The following CACNB4 variants were observed in gnomAD, a reference collection of about 807,000 sequenced individuals.
CACNB4 encodes voltage-dependent L-type calcium channel subunit beta-4.
A neutral mutation model predicts 71.2 loss-of-function variants in CACNB4; 32 were observed. The observed-to-expected ratio is 0.45, with a 90% CI of 0.34 to 0.60. The LOEUF is 0.60. Ranked by LOEUF, CACNB4 falls within the 20% of genes least tolerant of loss-of-function variation. The pLI, the probability that CACNB4 is intolerant of heterozygous loss-of-function variation, is 0.01. For missense variants in CACNB4, 464 were observed against 647.9 expected, an observed-to-expected ratio of 0.72 and a Z score of 3.08; for synonymous variants, 231 against 236.9, an observed-to-expected ratio of 0.97 and a Z score of 0.23.
At chr2:151,879,256 G>A (rs557424701) in intron 4 of CACNB4, among the ~76,000 whole-genome samples, 30 of 152,302 alleles carry the variant, frequency 2.0e-4, no homozygotes, top group Middle Eastern at 3.4e-3. Flanking sequence ...TGCTGAAATG[G>A]TTAATTCAAC....
intron 2 of CACNB4, among the ~76,000 whole-genome samples, chr2:152,010,928 C>T (rs1049526875): frequency 3.3e-5 from 5 of 152,172 alleles, no homozygotes; most frequent in African/African-American, 7.2e-5. Flanking sequence ...AGGGAGAAAA[C>T]GTGGCCCAGA....
At chr2:151,967,573 G>A (rs747628839) in intron 2 of CACNB4, 6 of 152,152 alleles carry the variant, frequency 3.9e-5, no homozygotes, top group Non-Finnish European at 7.4e-5. Flanking sequence ...GAGTAATAAC[G>A]TAGAAGGTCA....
intron 2 of CACNB4, among the ~76,000 whole-genome samples, chr2:152,003,516 T>G (rs779750458): frequency 5.9e-5 from 9 of 151,978 alleles, no homozygotes; most frequent in Non-Finnish European, 1.3e-4. Flanking sequence ...CAGCTCTTGA[T>G]GCGCTTATTA....
chr2:151,943,460 A>G (rs1383499338), intron 2 of CACNB4, among the ~76,000 whole-genome samples: 1 of 152,224 alleles, frequency 6.6e-6, no homozygotes, highest in Admixed American at 6.5e-5. Context: ...TCTTCTGGCT[A>G]AAATGTTGGC....
chr2:151,925,285 A>G (rs1276139465), intron 2 of CACNB4, among the ~76,000 whole-genome samples: 1 of 152,252 alleles, frequency 6.6e-6, no homozygotes, highest in Non-Finnish European at 1.5e-5. Flanking sequence ...CACATTTTGT[A>G]TTATTTGGTA....
At chr2:152,031,859 GA>G (rs1579166310) in intron 2 of CACNB4, among the ~76,000 whole-genome samples, 2 of 152,128 alleles carry the variant, frequency 1.3e-5, no homozygotes, top group African/African-American at 4.8e-5. Flanking sequence ...TCCATTACTA[GA>G]AAACTGCCCT....
chr2:151,955,440 A>G (rs752886651), intron 2 of CACNB4, among the ~76,000 whole-genome samples: 2 of 152,204 alleles, frequency 1.3e-5, no homozygotes, highest in Non-Finnish European at 2.9e-5. Flanking sequence ...TGCCCTCTAG[A>G]GTCCTATGTT....
intron 2 of CACNB4, among the ~76,000 whole-genome samples, chr2:151,933,955 G>T (rs1023599324): frequency 2.0e-5 from 3 of 152,220 alleles, no homozygotes; most frequent in Non-Finnish European, 4.4e-5. Context: ...AGAATCAGAA[G>T]CCTGAGGAGG....
rs115697230 is a variant in CACNB4 at position 152,016,063 on chromosome 2, T to C, written c.147+82267A>G. ...GAATTCTGTAACAGGTTTTCTCTCC[T>C]ATTACCAATTGCTATAGTATTAGAA... is the stretch of plus-strand genomic sequence containing the variant. On this transcript the variant is annotated intron_variant, in intron 2 of 13. Coordinates refer to ENST00000539935, the MANE Select transcript of CACNB4 (RefSeq NM_000726.5). 3.2e-3 allele frequency among the ~76,000 whole-genome samples: 480 copies of C among 152,360 alleles called. 4 individuals are homozygous for C. The highest frequency in any genetic ancestry group is 0.011 in the African/African-American group (446 of 41,580).
intron 2 of CACNB4, among the ~76,000 whole-genome samples, chr2:152,080,138 T>G (rs1687276318): frequency 6.6e-6 from 1 of 152,158 alleles, no homozygotes; most frequent in Non-Finnish European, 1.5e-5. Flanking sequence ...TTTTTTTTTT[T>G]TGAGGCGGAG....
rs114594752 is a variant in CACNB4, at chr2:151,906,251, T to G, written c.148-22881A>C. Among the ~76,000 whole-genome samples, 576 of 152,324 alleles carry G rather than the reference T, an allele frequency of 3.8e-3. 4 individuals carry two copies. The highest frequency in any genetic ancestry group is 0.013 in the African/African-American group (527 of 41,576). Reference sequence around the variant, plus strand: ...AAAAGAAGCATCTCACCAACCCCTTTAAATAAGAACTTCTCATGTTTCATC... The same window carrying G: ...AAAAGAAGCATCTCACCAACCCCTTGAAATAAGAACTTCTCATGTTTCATC... On this transcript the variant is annotated intron_variant, in intron 2 of 13. Transcript: ENST00000539935.
At chr2:151,946,737 C>T (rs2099865712) in intron 2 of CACNB4, among the ~76,000 whole-genome samples, 1 of 152,076 alleles carries the variant, frequency 6.6e-6, no homozygotes, top group Non-Finnish European at 1.5e-5. Flanking sequence ...GCCAGCATGT[C>T]CCATGGGGAG....
chr2:151,928,754 G>C (rs926518030), intron 2 of CACNB4, among the ~76,000 whole-genome samples: 1 of 151,926 alleles, frequency 6.6e-6, no homozygotes, highest in Non-Finnish European at 1.5e-5. Flanking sequence ...GTGAAACCCT[G>C]TCTCTAAAAA....
At chr2:151,953,685 G>C (rs1044309650) in intron 2 of CACNB4, among the ~76,000 whole-genome samples, 3 of 152,144 alleles carry the variant, frequency 2.0e-5, no homozygotes, top group African/African-American at 7.2e-5. Context: ...CTCCCTCCTG[G>C]TGGTTTCAAA....
At chr2:151,865,576 T>G (rs1203408964) in intron 9 of CACNB4, among the ~76,000 whole-genome samples, 1 of 152,142 alleles carries the variant, frequency 6.6e-6, no homozygotes, top group African/African-American at 2.4e-5. Flanking sequence ...CTGTGAATGG[T>G]AGATTCAGCC....
intron 2 of CACNB4, among the ~76,000 whole-genome samples, chr2:152,004,261 A>G (rs945798669): frequency 3.3e-5 from 5 of 152,090 alleles, no homozygotes; most frequent in Admixed American, 6.6e-5. Context: ...AACCCCTGGC[A>G]AACTCTCCTC....
At chr2:151,892,802 G>A (rs2099851048) in intron 2 of CACNB4, among the ~76,000 whole-genome samples, 1 of 152,192 alleles carries the variant, frequency 6.6e-6, no homozygotes, top group South Asian at 2.1e-4. Context: ...GCTTCAGGGG[G>A]AAGAAGAGAA....
chr2:152,023,717 G>A (rs2105141346), intron 2 of CACNB4, among the ~76,000 whole-genome samples: 1 of 152,262 alleles, frequency 6.6e-6, no homozygotes. Flanking sequence ...TTACAGGCGT[G>A]AGCCACCACA....
intron 2 of CACNB4, among the ~76,000 whole-genome samples, chr2:152,090,365 A>C (rs1687902069): frequency 6.6e-6 from 1 of 152,160 alleles, no homozygotes; most frequent in African/African-American, 2.4e-5. Flanking sequence ...GAAAAATTAA[A>C]ACTTGAAGAT....
Sources: gnomAD v4.1 joint callset for allele counts (sites outside exome capture counted in the v4.1 genomes callset) on GRCh38, gnomAD v4.1.1 for gene constraint, MANE v1.5 for transcripts, NCBI Gene and HGNC (gene_info 2026-07-23, HGNC 2026-07-21) for gene names.